Variants in PIGT observed in about 807,000 individuals in gnomAD.
PIGT encodes GPI-anchor transamidase component PIGT.
Under a neutral mutation model 66.7 loss-of-function variants are expected in PIGT, and 57 were observed. The observed-to-expected ratio is 0.86, with a 90% CI of 0.69 to 1.07. The LOEUF (loss-of-function observed/expected upper bound fraction) is 1.07, where lower values mean the gene tolerates loss of function less well. Ranked by LOEUF, PIGT falls within the 50% of genes least tolerant of loss-of-function variation. The pLI is 0.00. For synonymous variants in PIGT, 362 were observed against 320.5 expected (o/e 1.13, Z -1.38); for missense variants, 725 against 740.4 (o/e 0.98, Z 0.24).
chr20:45,421,583 A>C lies in PIGT; in HGVS notation c.1234A>C (p.Ser412Arg). 1 of 1,613,902 alleles carries C rather than the reference A, an allele frequency of 6.2e-7. No homozygotes were observed. Among genetic ancestry groups the C allele is most frequent in the Non-Finnish European group, 8.5e-7 (1 of 1,179,812 alleles). ...ITSKGKENKP[S>R]YIHYQPAQDR... ...CTCCAAGGGCAAGGAGAACAAACCA[A>C]GTGAGGACCTGAGTCCTGAACCAGG... The change falls in exon 9 of 12, where the codon AGT becomes CGT. Residue 412 changes from serine to arginine, a missense_variant and splice_region_variant. Physicochemically the swap from Ser to Arg is moderately radical, Grantham distance 110. Around this residue, in one of 3 missense-constraint regions of PIGT, gnomAD observed 559 missense variants for 552.7 expected, o/e 1.01. Transcript: ENST00000279036.
At chr20:45,419,482 T>G (rs749407608) in intron 4 of PIGT, 22 bp from the exon 5 acceptor site, 1 of 1,614,056 alleles carries the variant, frequency 6.2e-7, no homozygotes, top group South Asian at 1.1e-5. Flanking sequence ...GGGCTTCTCT[T>G]ATCTCTTTCC....
Position 45,419,534 on chromosome 20 carries a change from C to A in PIGT, c.625C>A (p.Arg209Ser), listed in dbSNP as rs759457479. The A allele has an allele frequency of 5.6e-6, 9 of 1,614,074 alleles. No homozygotes were observed. Among genetic ancestry groups the A allele is most frequent in the East Asian group, 4.5e-5 (2 of 44,898 alleles). Reference protein sequence around the residue: ...AGLSVLLKADRLFHTSYHSQA... With the variant: ...AGLSVLLKADSLFHTSYHSQA... ...CCTCTCTGTGCTGCTGAAGGCAGATCGCTTGTTCCACACCAGCTACCACTC... is the reference window on the plus strand; with the variant it reads ...CCTCTCTGTGCTGCTGAAGGCAGATAGCTTGTTCCACACCAGCTACCACTC... Residue 209 changes from arginine to serine, a missense_variant, in exon 5 of 12, where the codon CGC becomes AGC. Arg to Ser is a moderately radical substitution (Grantham distance 110, BLOSUM62 -1). Around this residue, in one of 3 missense-constraint regions of PIGT, gnomAD observed 559 missense variants for 552.7 expected, o/e 1.01. Coordinates refer to ENST00000279036, the MANE Select transcript of PIGT (RefSeq NM_015937.6).
chr20:45,423,055 A>AATT (rs1555877725), intron 9 of PIGT: 3 of 78,960 alleles, frequency 3.8e-5, no homozygotes, highest in Admixed American at 1.8e-4. Context: ...TACAAAAAAA[A>AATT]TTTTTTTTTT....
At chr20:45,424,020 A>C (rs1490367913) in intron 9 of PIGT, 196 bp from the exon 10 acceptor site, 4 of 600,232 alleles carry the variant, frequency 6.7e-6, no homozygotes. Context: ...TCTTGATCGC[A>C]TCCTGGGATC....
intron 3 of PIGT, 106 bp from the exon 4 acceptor site, chr20:45,419,189 G>T: frequency 9.0e-7 from 1 of 1,109,528 alleles, no homozygotes. Context: ...AGACTGTGGT[G>T]CTAGAGGTGG....
Position 45,416,308 on chromosome 20 carries a change from G to T in PIGT, c.152G>T (p.Arg51Leu). The change falls in exon 1 of 12, where the codon CGC becomes CTC. Residue 51 changes from arginine (R) to leucine (L), a missense_variant. Around this residue, in one of 3 missense-constraint regions of PIGT, gnomAD observed 559 missense variants for 552.7 expected, o/e 1.01. Transcript: ENST00000279036. ...GACGTAGCCGCCACATTCCAGTTCC[G>T]CACGCGCTGGGATTCGGAGCTTCAG... is the stretch of plus-strand genomic sequence containing the variant. ...SGDVAATFQFRTRWDSELQRE... is the reference protein window; with the variant it reads ...SGDVAATFQFLTRWDSELQRE... 1.3e-6 allele frequency: 2 copies of T among 1,594,888 alleles called. No individual in the cohort carries two copies. Among genetic ancestry groups the T allele is most frequent in the Non-Finnish European group, 1.7e-6 (2 of 1,169,282 alleles).
In PIGT at chr20:45,419,360, AC is replaced by A; in HGVS notation, c.564del (p.Trp189GlyfsTer17). ...GGAGGTGGTCTGCACCGAAAACCTC[AC>A]CCCCTGGAAGAAGCTCTTGCCCTGT... ...PREVVCTENL[T>X]PWKKLLPCSS... On this transcript the variant is annotated frameshift_variant, in exon 4 of 12. Coordinates refer to ENST00000279036, the MANE Select transcript of PIGT (RefSeq NM_015937.6). LOFTEE classifies it high-confidence loss of function. The A allele has an allele frequency of 1.9e-6, 3 of 1,613,668 alleles. No individual in the cohort carries two copies. Among genetic ancestry groups the A allele is most frequent in the Non-Finnish European group, 2.5e-6 (3 of 1,179,874 alleles).
At chr20:45,417,092 G>C (rs1472194603) in intron 2 of PIGT, 1 of 159,232 alleles carries the variant, frequency 6.3e-6, no homozygotes, top group East Asian at 1.9e-4. Context: ...AGTGTTAGAG[G>C]AACTGCTTTT....
Position 45,416,608 on chromosome 20 carries a change from T to A in PIGT, c.279T>A (p.Phe93Leu), listed in dbSNP as rs768183630. ...RELHLSFTQG[F>L]WRTRYWGPPF... is the part of the protein sequence containing the mutation. ...TGCACCTGTCATTCACACAAGGCTTTTGGAGGACCCGATACTGGGGGCCAC... is the reference window on the plus strand; with the variant it reads ...TGCACCTGTCATTCACACAAGGCTTATGGAGGACCCGATACTGGGGGCCAC... The change falls in exon 2 of 12, where the codon TTT becomes TTA. Residue 93 changes from phenylalanine (F) to leucine (L), a missense_variant. Phe to Leu is a conservative substitution (Grantham distance 22). Coordinates refer to ENST00000279036, the MANE Select transcript of PIGT (RefSeq NM_015937.6). 1 of 1,614,222 alleles carries A rather than the reference T, an allele frequency of 6.2e-7. No individual in the cohort carries two copies.
In PIGT at chr20:45,425,701, G is replaced by A. The variant is rs761897949; in HGVS notation, c.1612G>A (p.Val538Met). The A allele has an allele frequency of 2.9e-5, 46 of 1,613,990 alleles. No homozygotes were observed. Among genetic ancestry groups the A allele is most frequent in the Middle Eastern group, 1.6e-4 (1 of 6,084 alleles). ...CTGCCTCACGTGCACTGTGGTGGCC[G>A]TGTGCTATGGCTCCTTCTACAATCT... Reference protein sequence around the residue: ...VICLTCTVVAVCYGSFYNLLT... With the variant: ...VICLTCTVVAMCYGSFYNLLT... Residue 538 changes from valine (V) to methionine (M), a missense_variant, in exon 12 of 12, where the codon GTG (valine) becomes ATG (methionine). Val to Met is a conservative substitution (Grantham distance 21, BLOSUM62 1). This residue lies in a region of PIGT where 162 missense variants were observed against 171.1 expected (regional missense o/e 0.95). Transcript: ENST00000279036.
chr20:45,421,070 G>T, intron 8 of PIGT: 1 of 515,052 alleles, frequency 1.9e-6, no homozygotes, highest in South Asian at 2.5e-5. Context: ...GCAGGTGTCA[G>T]TTAATTAATT....
rs1416184129 is a variant in PIGT at position 45,420,219 on chromosome 20, G to T, written c.765G>T (p.Lys255Asn). Residue 255 changes from lysine to asparagine, a missense_variant, in exon 6 of 12, where the codon AAG becomes AAT. Around this residue, in one of 3 missense-constraint regions of PIGT, gnomAD observed 559 missense variants for 552.7 expected, o/e 1.01. Transcript: ENST00000279036. ...VFDAFITGQGKKDWSLFRMFS... is the reference protein window; with the variant it reads ...VFDAFITGQGNKDWSLFRMFS... ...ATGCCTTCATCACGGGGCAGGGAAA[G>T]AAAGGTAAGTTACCTTGGCAACTCA... 1.2e-6 allele frequency: 2 copies of T among 1,610,220 alleles called. No individual in the cohort carries two copies. The highest frequency in any genetic ancestry group is 1.7e-6 in the Non-Finnish European group (2 of 1,178,004).
Position 45,416,744 on chromosome 20 carries a change from G to A in PIGT, c.365+50G>A, listed in dbSNP as rs199825810. ...TGCAGGCCATGGAGGGAATGTGGCT[G>A]GGAGAGTGTTGTCATCCTGCCACTG... On this transcript the variant is annotated intron_variant, in intron 2 of 11. Coordinates refer to ENST00000279036, the MANE Select transcript of PIGT (RefSeq NM_015937.6). 1.2e-4 allele frequency: 186 copies of A among 1,521,246 alleles called. 1 individual carries two copies. In the African/African-American group the frequency reaches 2.4e-3, roughly 19 times the overall value. 94.2% of individuals were successfully genotyped at this position (1,521,246 alleles called of 1,614,324 possible). A position where few individuals can be genotyped will look rare whatever the true frequency, so the allele number is the denominator to read the frequency against.
intron 9 of PIGT, 29 bp from the exon 10 acceptor site, chr20:45,424,185 AAG>A (rs1990564757): frequency 6.2e-7 from 1 of 1,610,930 alleles, no homozygotes. Context: ...GACCCCAGGA[AAG>A]AGATGTGGGT....
rs747492167 is a variant in PIGT, at chr20:45,416,332, A to T, written c.176A>T (p.Gln59Leu). Residue 59 changes from glutamine to leucine, a missense_variant, in exon 1 of 12, where the codon CAG (glutamine) becomes CTG (leucine). Transcript: ENST00000279036. ...CGCACGCGCTGGGATTCGGAGCTTC[A>T]GCGGGAAGGAGGTGAGGGCGCGAGA... ...QFRTRWDSELQREGVSHYRLF... is the reference protein window; with the variant it reads ...QFRTRWDSELLREGVSHYRLF... 6 of 1,587,958 alleles carry T rather than the reference A, an allele frequency of 3.8e-6. No individual in the cohort carries two copies. Among genetic ancestry groups the T allele is most frequent in the African/African-American group, 1.3e-5 (1 of 74,500 alleles).
At chr20:45,418,830 G>A (rs1990152519) in intron 2 of PIGT, 22 bp from the exon 3 acceptor site, 3 of 1,613,280 alleles carry the variant, frequency 1.9e-6, no homozygotes, top group Non-Finnish European at 2.5e-6. Context: ...AGGACAGTGA[G>A]TGGATTTGTG....
chr20:45,424,808 T>A, intron 11 of PIGT: 1 of 570,350 alleles, frequency 1.8e-6, no homozygotes, highest in Non-Finnish European at 3.1e-6. Flanking sequence ...ACAGCCTACA[T>A]TTACTTCTTG....
intron 2 of PIGT, chr20:45,417,967 G>A (rs1322999611): frequency 6.6e-6 from 1 of 152,248 alleles, no homozygotes; most frequent in Non-Finnish European, 1.5e-5. Flanking sequence ...CTACTCTGCT[G>A]TCACTGTCTT....
Position 45,425,758 on chromosome 20 carries a change from C to T in PIGT, c.1669C>T (p.Arg557Cys), listed in dbSNP as rs773224612. The T allele has an allele frequency of 2.5e-6, 4 of 1,613,940 alleles. No individual in the cohort carries two copies. Among genetic ancestry groups the T allele is most frequent in the Non-Finnish European group, 3.4e-6 (4 of 1,179,944 alleles). ...LTRTFHIEEP[R>C]TGGLAKRLAN... ...CCGAACCTTCCACATCGAGGAGCCC[C>T]GCACAGGTGGCCTGGCCAAGCGGCT... The change falls in exon 12 of 12, where the codon CGC (arginine) becomes TGC (cysteine). Residue 557 changes from arginine to cysteine, a missense_variant. Arg to Cys is a radical substitution (Grantham distance 180, BLOSUM62 -3). Around this residue, in one of 3 missense-constraint regions of PIGT, gnomAD observed 162 missense variants for 171.1 expected, o/e 0.95. Transcript: ENST00000279036.
Sources: allele counts gnomAD v4.1 joint callset, GRCh38; gene constraint gnomAD v4.1.1; regional missense constraint gnomAD v4.1.1; transcripts MANE v1.5; gene names NCBI Gene and HGNC (gene_info 2026-07-23, HGNC 2026-07-21).